MRPS15: variants seen among roughly 807,000 people sequenced by gnomAD.
MRPS15 encodes the protein small ribosomal subunit protein uS15m.
A neutral mutation model predicts 30.7 loss-of-function variants in MRPS15; 25 were observed. The ratio of observed to expected loss-of-function variants is 0.81; its 90% CI spans 0.59 to 1.14. The LOEUF is 1.14. Among genes scored for constraint, MRPS15 ranks in the 50% most tolerant of loss-of-function variants. The pLI, the probability that MRPS15 is intolerant of heterozygous loss-of-function variation, is 0.00. For synonymous variants in MRPS15, 124 were observed against 120.1 expected (o/e 1.03, Z -0.21); for missense variants, 313 against 321.7 (o/e 0.97, Z 0.21).
intron 2 of MRPS15, among the ~76,000 whole-genome samples, chr1:36,463,557 T>C (rs1433332225): frequency 6.6e-6 from 1 of 152,220 alleles, no homozygotes; most frequent in Non-Finnish European, 1.5e-5. Context: ...GTGCCAGCCA[T>C]GCACTCCCTC....
chr1:36,464,288 C>A lies in MRPS15; in HGVS notation c.-13G>T. On this transcript the variant is annotated 5_prime_UTR_variant, in exon 1 of 8. Transcript: ENST00000373116. Reference sequence around the variant, plus strand: ...CGACCCTCAGCATGGTGACCTCTAACCCCCGCGGGGCCCGCGCCGCGGCCG... The same window carrying A: ...CGACCCTCAGCATGGTGACCTCTAAACCCCGCGGGGCCCGCGCCGCGGCCG... 1 of 1,601,336 alleles carries A rather than the reference C, an allele frequency of 6.2e-7. No homozygotes were observed. Among genetic ancestry groups the A allele is most frequent in the Non-Finnish European group, 8.5e-7 (1 of 1,174,528 alleles).
At position 36,462,128 on chromosome 1, in the gene MRPS15, T is replaced by C. The variant is rs561898802; in HGVS notation, c.211A>G (p.Thr71Ala). The C allele has an allele frequency of 1.4e-4, 227 of 1,613,450 alleles. No individual in the cohort carries two copies. The highest frequency in any genetic ancestry group is 9.4e-4 in the South Asian group (86 of 91,036). Residue 71 changes from threonine to alanine, a missense_variant, in exon 3 of 8, where the codon ACG becomes GCG. Transcript: ENST00000373116. ...ACATTCTGGTAGTCTTTGAGCAGCG[T>C]AGAGGGAGGTGGGTCATCATCCAGC... is the stretch of plus-strand genomic sequence containing the variant. ...SRLDDDPPPS[T>A]LLKDYQNVPG...
At chr1:36,459,258 G>A (rs556168849) in intron 5 of MRPS15, 2 of 152,144 alleles carry the variant, frequency 1.3e-5, no homozygotes, top group African/African-American at 2.4e-5. Context: ...GCTTGACATG[G>A]TTGTGCATGC....
At chr1:36,463,760 C>A in intron 2 of MRPS15, 46 bp downstream of exon 2, 1 of 1,589,268 alleles carries the variant, frequency 6.3e-7, no homozygotes. Flanking sequence ...CCCAGCCTTC[C>A]AGGAGGTCTC....
At chr1:36,462,215 C>T in intron 2 of MRPS15, 52 bp from the exon 3 acceptor site, 2 of 1,426,038 alleles carry the variant, frequency 1.4e-6, no homozygotes, top group Non-Finnish European at 2.0e-6. Flanking sequence ...TCTCGCTGCC[C>T]ACCCTCCCAG....
At chr1:36,463,985 AC>A in intron 1 of MRPS15, 135 bp from the exon 2 acceptor site, 1 of 1,490,178 alleles carries the variant, frequency 6.7e-7, no homozygotes, top group Non-Finnish European at 9.1e-7. Context: ...TTTCTTCCCT[AC>A]CCCTTGTCTC....
In MRPS15 at chr1:36,455,849, TTTGC is replaced by T; in HGVS notation, c.709_712del (p.Ala237SerfsTer33). On this transcript the variant is annotated frameshift_variant, in exon 8 of 8. Transcript: ENST00000373116. LOFTEE classifies it low-confidence loss of function (END_TRUNC). Reference sequence around the variant, plus strand: ...GGCAGGGCTGTCTGGGTTCCTCCGCTTTGCTTGTTTTTGGGCTGCTGCTGCAGCC... The same window carrying T: ...GGCAGGGCTGTCTGGGTTCCTCCGCTTTGTTTTTGGGCTGCTGCTGCAGCC... The T allele has an allele frequency of 6.2e-7, 1 of 1,614,196 alleles. No homozygotes were observed. The highest frequency in any genetic ancestry group is 8.5e-7 in the Non-Finnish European group (1 of 1,180,030).
At chr1:36,457,871 C>T in intron 6 of MRPS15, 52 bp downstream of exon 6, 1 of 1,568,202 alleles carries the variant, frequency 6.4e-7, no homozygotes, top group South Asian at 1.1e-5. Context: ...CCCTCCGGAC[C>T]CCTTTCCCCC....
chr1:36,457,915 G>T lies in MRPS15; in HGVS notation c.444+8C>A. 1 of 1,613,862 alleles carries T rather than the reference G, an allele frequency of 6.2e-7. No individual in the cohort carries two copies. The highest frequency in any genetic ancestry group is 8.5e-7 in the Non-Finnish European group (1 of 1,179,758). On this transcript the variant is annotated splice_region_variant and intron_variant, in intron 6 of 7. Transcript: ENST00000373116. ...GCTGTTTAACTGTGAATGACGTCCAGAGTTTACCTTTCGATGTTTCTCCAA... is the reference window on the plus strand; with the variant it reads ...GCTGTTTAACTGTGAATGACGTCCATAGTTTACCTTTCGATGTTTCTCCAA...
intron 5 of MRPS15, 55 bp downstream of exon 5, chr1:36,460,637 G>C: frequency 7.5e-7 from 1 of 1,325,252 alleles, no homozygotes; most frequent in Non-Finnish European, 1.1e-6. Flanking sequence ...CCCTAGATCA[G>C]GTCCCAGCTA....
At chr1:36,464,065 C>T in intron 1 of MRPS15, 81 bp downstream of exon 1, 3 of 1,571,892 alleles carry the variant, frequency 1.9e-6, no homozygotes, top group African/African-American at 1.4e-5. Context: ...GTATATCTCC[C>T]CTACTCCTGT....
chr1:36,464,141 C>T lies in MRPS15; in HGVS notation c.130+5G>A, dbSNP rs747265940. On this transcript the variant is annotated splice_donor_5th_base_variant and intron_variant, in intron 1 of 7. Coordinates refer to ENST00000373116, the MANE Select transcript of MRPS15 (RefSeq NM_031280.4). Reference sequence around the variant, plus strand: ...CGCCCGCCGTCCCATTTCTCAGCTCCTCACTTCGAGGCTGCAGGCCCCACT... The same window carrying T: ...CGCCCGCCGTCCCATTTCTCAGCTCTTCACTTCGAGGCTGCAGGCCCCACT... 6.2e-7 allele frequency: 1 copy of T among 1,611,518 alleles called. No homozygotes were observed. Among genetic ancestry groups the T allele is most frequent in the African/African-American group, 1.3e-5 (1 of 74,870 alleles).
intron 1 of MRPS15, 47 bp downstream of exon 1, chr1:36,464,099 C>G: frequency 2.1e-6 from 3 of 1,437,214 alleles, no homozygotes; most frequent in Non-Finnish European, 2.8e-6. Flanking sequence ...CTATCTTCGC[C>G]GAACCCTGTT....
chr1:36,455,935 A>C lies in MRPS15; in HGVS notation c.637-10T>G. 1 of 1,611,748 alleles carries C rather than the reference A, an allele frequency of 6.2e-7. No homozygotes were observed. The highest frequency in any genetic ancestry group is 8.5e-7 in the Non-Finnish European group (1 of 1,179,514). On this transcript the variant is annotated splice_polypyrimidine_tract_variant and intron_variant, in intron 7 of 7. Coordinates refer to ENST00000373116, the MANE Select transcript of MRPS15 (RefSeq NM_031280.4). ...GAGTCTCCTGGAAAACCTGGGGATG[A>C]AAAGGGGCAGAAAAAGACCTTGTAA...
intron 5 of MRPS15, among the ~76,000 whole-genome samples, chr1:36,459,869 A>C (rs968924808): frequency 6.6e-6 from 1 of 152,204 alleles, no homozygotes; most frequent in Non-Finnish European, 1.5e-5. Flanking sequence ...AACTGCACCC[A>C]GAGAGAGGGG....
chr1:36,459,577 G>A (rs1650057205), intron 5 of MRPS15: 1 of 152,250 alleles, frequency 6.6e-6, no homozygotes, highest in Non-Finnish European at 1.5e-5. Flanking sequence ...CTAGCCCAGG[G>A]CTTTAGCAGG....
chr1:36,456,261 C>T lies in MRPS15; in HGVS notation c.562G>A (p.Glu188Lys). Residue 188 changes from glutamate to lysine, a missense_variant, in exon 7 of 8, where the codon GAG becomes AAG. Coordinates refer to ENST00000373116, the MANE Select transcript of MRPS15 (RefSeq NM_031280.4). ...TAATACAGAGGGGGGAAGGTGTACT[C>T]AATTCCCAGCCCCCAGCATATCTTC... ...FEKICWGLGI[E>K]YTFPPLYYRR... 6.2e-7 allele frequency: 1 copy of T among 1,614,176 alleles called. No individual in the cohort carries two copies. The highest frequency in any genetic ancestry group is 8.5e-7 in the Non-Finnish European group (1 of 1,180,044).
At position 36,461,953 on chromosome 1, in the gene MRPS15, ACAC is replaced by A. The variant is rs1365828688; in HGVS notation, c.251+132_251+134del. The A allele has an allele frequency of 7.4e-5, 51 of 692,372 alleles. 1 individual carries two copies. The East Asian group carries it at 9.7e-4, about 13-fold the overall frequency. 42.9% of individuals were successfully genotyped at this position (692,372 alleles called of 1,614,324 possible). ...GACCACCCACCCTCACCACACCTGG[ACAC>A]CTGGGCCCCTGCCTCCTTCTAGATC... On this transcript the variant is annotated intron_variant, in intron 3 of 7. Coordinates refer to ENST00000373116, the MANE Select transcript of MRPS15 (RefSeq NM_031280.4).
intron 5 of MRPS15, 103 bp downstream of exon 5, chr1:36,460,589 C>T (rs1280631082): frequency 2.2e-6 from 2 of 893,104 alleles, no homozygotes; most frequent in African/African-American, 3.3e-5. Context: ...ATGTCTCTCC[C>T]TTTCCCCAGC....
Sources: allele counts gnomAD v4.1 joint callset (sites outside exome capture counted in the v4.1 genomes callset), GRCh38; gene constraint gnomAD v4.1.1; transcripts MANE v1.5; gene names NCBI Gene and HGNC (gene_info 2026-07-23, HGNC 2026-07-21).